Variants in CHN2 observed in about 807,000 individuals in gnomAD.
CHN2 encodes the protein beta-chimaerin.
Under a neutral mutation model 56.3 loss-of-function variants are expected in CHN2, and 35 were observed. The ratio of observed to expected loss-of-function variants is 0.62; its 90% CI spans 0.47 to 0.82. CHN2 has a LOEUF of 0.82. Among genes scored for constraint, CHN2 ranks in the 40% least tolerant of loss-of-function variants. The pLI, the probability that CHN2 is intolerant of heterozygous loss-of-function variation, is 0.00. For synonymous variants in CHN2, 210 were observed against 212.8 expected, an observed-to-expected ratio of 0.99 and a Z score of 0.12; for missense variants, 491 against 580.5, an observed-to-expected ratio of 0.85 and a Z score of 1.58.
intron 6 of CHN2, among the ~76,000 whole-genome samples, chr7:29,457,846 G>A (rs572563281): frequency 6.6e-6 from 1 of 152,308 alleles, no homozygotes; most frequent in Admixed American, 6.5e-5. Context: ...TTGATGAATT[G>A]TGCAGCTGTA....
chr7:29,407,458 T>C (rs1332239721), intron 6 of CHN2, among the ~76,000 whole-genome samples: 1 of 152,048 alleles, frequency 6.6e-6, no homozygotes, highest in Non-Finnish European at 1.5e-5. Flanking sequence ...GAACCTGAAT[T>C]GTTAATGCAG....
At chr7:29,429,099 G>A (rs577572204) in intron 6 of CHN2, among the ~76,000 whole-genome samples, 1 of 152,316 alleles carries the variant, frequency 6.6e-6, no homozygotes, top group East Asian at 1.9e-4. Flanking sequence ...AATCTTTACA[G>A]TAGTTGACTG....
Position 29,507,373 on chromosome 7 carries a change from C to T in CHN2, c.1129+8C>T. The T allele has an allele frequency of 6.3e-7, 1 of 1,588,032 alleles. No individual in the cohort carries two copies. The highest frequency in any genetic ancestry group is 8.6e-7 in the Non-Finnish European group (1 of 1,168,212). On this transcript the variant is annotated splice_region_variant and intron_variant, in intron 11 of 12. Transcript: ENST00000222792. ...AATTTATAGATGCAGCAAGTAAGTA[C>T]TTCAAATTAATTTTTTATTTCTACC...
intron 6 of CHN2, among the ~76,000 whole-genome samples, chr7:29,415,346 T>A (rs77305573): frequency 0.02 from 2,988 of 152,298 alleles, 121 homozygotes; most frequent in African/African-American, 0.068. Flanking sequence ...ATGGAGAATG[T>A]GTTAAACCAA....
intron 1 of CHN2, among the ~76,000 whole-genome samples, chr7:29,206,515 C>T (rs1457629418): frequency 1.3e-5 from 2 of 152,080 alleles, no homozygotes; most frequent in South Asian, 2.1e-4. Context: ...CTCCTGACCT[C>T]GTGATCCACC....
intron 5 of CHN2, among the ~76,000 whole-genome samples, chr7:29,399,860 G>T (rs1802057985): frequency 1.3e-5 from 2 of 152,192 alleles, no homozygotes; most frequent in African/African-American, 2.4e-5. Context: ...CACTTCAGTA[G>T]CAGAAGCTGG....
chr7:29,498,896 G>A (rs1163022273), intron 8 of CHN2, among the ~76,000 whole-genome samples: 1 of 151,350 alleles, frequency 6.6e-6, no homozygotes, highest in Non-Finnish European at 1.5e-5. Context: ...TGAGTAGCTG[G>A]GATTACAGGG....
intron 6 of CHN2, among the ~76,000 whole-genome samples, chr7:29,442,986 T>C (rs1391213953): frequency 1.5e-5 from 2 of 137,820 alleles, no homozygotes; most frequent in African/African-American, 5.8e-5. Flanking sequence ...CAGGCCAGAC[T>C]GCAGACTGCA....
At chr7:29,273,343 G>GTGTATATA (rs1157790795) in intron 1 of CHN2, among the ~76,000 whole-genome samples, 30 of 58,156 alleles carry the variant, frequency 5.2e-4, no homozygotes, top group African/African-American at 6.4e-4. Flanking sequence ...ATATATATGT[G>GTGTATATA]TATATATATA....
At chr7:29,219,803 G>A (rs1028857887) in intron 1 of CHN2, among the ~76,000 whole-genome samples, 13 of 152,168 alleles carry the variant, frequency 8.5e-5, no homozygotes, top group Non-Finnish European at 1.8e-4. Context: ...TTGGCTGGGC[G>A]CCGTGGCTCA....
At chr7:29,382,790 T>A (rs1318825876) in intron 3 of CHN2, among the ~76,000 whole-genome samples, 1 of 152,136 alleles carries the variant, frequency 6.6e-6, no homozygotes, top group Non-Finnish European at 1.5e-5. Context: ...ATCAGTGAGA[T>A]TTTGCCAGGC....
intron 2 of CHN2, among the ~76,000 whole-genome samples, chr7:29,160,650 T>C (rs1190378863): frequency 6.6e-6 from 1 of 152,112 alleles, no homozygotes; most frequent in Non-Finnish European, 1.5e-5. Context: ...GACTCCTAAT[T>C]TGGGTGGTGT....
intron 1 of CHN2, chr7:29,212,882 T>C (rs1785060105): frequency 1.2e-6 from 2 of 1,610,672 alleles, no homozygotes; most frequent in Admixed American, 3.3e-5. Context: ...AACCTTCCAA[T>C]GTGGAGCAAC....
At chr7:29,166,928 T>C (rs1048737127) in intron 2 of CHN2, among the ~76,000 whole-genome samples, 3 of 152,166 alleles carry the variant, frequency 2.0e-5, no homozygotes, top group Non-Finnish European at 4.4e-5. Context: ...ATCTGTGTCA[T>C]TTTTGTTCTG....
chr7:29,446,106 C>T (rs1015712629), intron 6 of CHN2, among the ~76,000 whole-genome samples: 1 of 152,098 alleles, frequency 6.6e-6, no homozygotes, highest in Non-Finnish European at 1.5e-5. Context: ...GGAACAGAAA[C>T]AATAGTAGTT....
chr7:29,394,671 A>G (rs1053506158), intron 4 of CHN2, among the ~76,000 whole-genome samples: 2 of 152,228 alleles, frequency 1.3e-5, no homozygotes, highest in African/African-American at 4.8e-5. Context: ...CCATGCCCCT[A>G]CTGTCTAATC....
At chr7:29,340,808 C>A (rs756764171) in intron 1 of CHN2, among the ~76,000 whole-genome samples, 5 of 152,154 alleles carry the variant, frequency 3.3e-5, no homozygotes, top group Admixed American at 2.0e-4. Context: ...GTAGGTAATT[C>A]CCTGGCACAT....
intron 2 of CHN2, among the ~76,000 whole-genome samples, chr7:29,363,530 A>T (rs1245361429): frequency 6.6e-5 from 10 of 152,230 alleles, no homozygotes; most frequent in Admixed American, 2.6e-4. Flanking sequence ...TGCCAAGCAC[A>T]GTTCTAGTTG....
intron 1 of CHN2, among the ~76,000 whole-genome samples, chr7:29,316,485 C>A (rs555851009): frequency 1.3e-5 from 2 of 152,294 alleles, no homozygotes; most frequent in African/African-American, 4.8e-5. Flanking sequence ...ATTAGAATCA[C>A]ATATTCACTG....
Sources: gnomAD v4.1 joint callset for allele counts (sites outside exome capture counted in the v4.1 genomes callset) on GRCh38, gnomAD v4.1.1 for gene constraint, MANE v1.5 for transcripts, NCBI Gene and HGNC (gene_info 2026-07-23, HGNC 2026-07-21) for gene names.